The following SLC5A4 variants were observed in gnomAD, a reference collection of about 807,000 sequenced individuals.
SLC5A4 encodes the protein solute carrier family 5 member 4, also known as probable glucose sensor protein SLC5A4.
In SLC5A4, 55 loss-of-function variants were observed where a neutral mutation model predicts 70.3. The observed-to-expected ratio is 0.78, with a 90% CI of 0.63 to 0.98. The LOEUF (loss-of-function observed/expected upper bound fraction) is 0.98. SLC5A4 is among the 50% of genes least tolerant of loss of function. The probability of loss-of-function intolerance (pLI) is 0.00; values close to 1 mark genes in which losing one functional copy is unlikely to be tolerated. For missense variants in SLC5A4, 735 were observed against 839.2 expected, an observed-to-expected ratio of 0.88 and a Z score of 1.53; for synonymous variants, 268 against 305.7, an observed-to-expected ratio of 0.88 and a Z score of 1.29.
In SLC5A4 at chr22:32,225,737, G is replaced by T. The variant is rs890288192; in HGVS notation, c.1367C>A (p.Thr456Lys). 1 of 1,611,556 alleles carries T rather than the reference G, an allele frequency of 6.2e-7. No individual in the cohort carries two copies. The highest frequency in any genetic ancestry group is 1.3e-5 in the African/African-American group (1 of 74,886). The change falls in exon 12 of 15, where the codon ACA becomes AAA. Residue 456 changes from threonine (T) to lysine (K), a missense_variant. Transcript: ENST00000266086. ...CCCAAGGTAGCTAGAAATTGATTCT[G>T]TGTAATGGATTAGTTGTCCATTTTG... ...VSQNGQLIHY[T>K]ESISSYLGPP...
At chr22:32,343,940 A>G in the SLC5A4 span, among the ~76,000 whole-genome samples, 1 of 152,172 alleles carries the variant, frequency 6.6e-6, no homozygotes, top group Non-Finnish European at 1.5e-5. Context: ...GTATATCTCC[A>G]CCCACATCTT....
At chr22:32,239,801 G>A (rs55754838) in intron 5 of SLC5A4, among the ~76,000 whole-genome samples, 9,525 of 148,238 alleles carry the variant, frequency 0.064, 318 homozygotes, top group Admixed American at 0.077. Flanking sequence ...GAGGCAGGTG[G>A]ATCACGAGGT....
chr22:32,269,692 C>A, the SLC5A4 span: 1 of 603,244 alleles, frequency 1.7e-6, no homozygotes. This position sits in a 1 kb window ranked among gnomAD's most constrained non-coding sequence, Gnocchi z 4.1. Context: ...AGCATTCCCC[C>A]GTACGGTGTG....
chr22:32,351,677 G>A, the SLC5A4 span, among the ~76,000 whole-genome samples: 1 of 130,190 alleles, frequency 7.7e-6, no homozygotes, highest in East Asian at 2.5e-4. Flanking sequence ...TCCAGCCTGG[G>A]CAACAGAGCA....
chr22:32,297,551 T>C, the SLC5A4 span, among the ~76,000 whole-genome samples: 1 of 100,970 alleles, frequency 9.9e-6, no homozygotes, highest in East Asian at 2.7e-4. Flanking sequence ...TCTTTTTTTC[T>C]TTATTAGTCT....
the SLC5A4 span, among the ~76,000 whole-genome samples, chr22:32,313,163 A>G: frequency 6.6e-6 from 1 of 152,248 alleles, no homozygotes; most frequent in Admixed American, 6.5e-5. Context: ...AGTAGAATGG[A>G]GAGTGCATAC....
the SLC5A4 span, among the ~76,000 whole-genome samples, chr22:32,302,014 C>T: frequency 6.6e-6 from 1 of 152,044 alleles, no homozygotes; most frequent in African/African-American, 2.4e-5. Flanking sequence ...AATGTAAGAG[C>T]TAAAACTATA....
the SLC5A4 span, among the ~76,000 whole-genome samples, chr22:32,279,669 A>G: frequency 2.0e-5 from 3 of 152,190 alleles, no homozygotes; most frequent in African/African-American, 7.2e-5. Context: ...CAGAACCCTC[A>G]TGATCCAATC....
chr22:32,287,686 A>G, the SLC5A4 span, among the ~76,000 whole-genome samples: 8 of 150,312 alleles, frequency 5.3e-5, no homozygotes, highest in African/African-American at 2.0e-4. Flanking sequence ...GGGTTTCATA[A>G]TATTGGTCAG....
rs748165289 is a variant in SLC5A4, at chr22:32,220,994, T to G, written c.1694A>C (p.Asn565Thr). The stretch of plus-strand genomic sequence containing the variant: ...TATATCGATTCGCTCCTCTGTACTG[T>G]TCCGAAGAACCCAGCACAGGCGGTA... The part of the protein sequence containing the change: ...HLYRLCWVLR[N>T]STEERIDIDA... Residue 565 changes from asparagine to threonine, a missense_variant, in exon 14 of 15, where the codon AAC becomes ACC. Asn to Thr is a moderately conservative substitution (Grantham distance 65, BLOSUM62 0). Coordinates refer to ENST00000266086, the MANE Select transcript of SLC5A4 (RefSeq NM_014227.3). 1 of 1,613,954 alleles carries G rather than the reference T, an allele frequency of 6.2e-7. No homozygotes were observed. Among genetic ancestry groups the G allele is most frequent in the Non-Finnish European group, 8.5e-7 (1 of 1,179,826 alleles).
At chr22:32,300,886 T>C in the SLC5A4 span, among the ~76,000 whole-genome samples, 1 of 152,242 alleles carries the variant, frequency 6.6e-6, no homozygotes, top group South Asian at 2.1e-4. Context: ...TTACAGGTTT[T>C]TGTGTGAACA....
chr22:32,330,865 TGGAGGGTCTGCTGTGTAGGAGTG>T, the SLC5A4 span, among the ~76,000 whole-genome samples: 16 of 95,580 alleles, frequency 1.7e-4, no homozygotes, highest in South Asian at 4.0e-4. Flanking sequence ...GTGTAGGTGT[TGGAGGGTCTGCTGTGTAGGAGTG>T]TTGGGGGCTC....
At chr22:32,307,002 A>T in the SLC5A4 span, among the ~76,000 whole-genome samples, 2 of 152,144 alleles carry the variant, frequency 1.3e-5, no homozygotes, top group Non-Finnish European at 2.9e-5. Flanking sequence ...GATGGCGCTG[A>T]CCAATGTGGA....
At chr22:32,236,323 G>T (rs1049359906) in intron 7 of SLC5A4, among the ~76,000 whole-genome samples, 4 of 152,114 alleles carry the variant, frequency 2.6e-5, no homozygotes, top group African/African-American at 9.7e-5. Flanking sequence ...TGACGGCAAT[G>T]AACTGAATGA....
chr22:32,337,049 G>A, the SLC5A4 span, among the ~76,000 whole-genome samples: 4 of 152,222 alleles, frequency 2.6e-5, no homozygotes, highest in Non-Finnish European at 4.4e-5. Context: ...TCCTTGGGGG[G>A]ACTAAAGACC....
Position 32,232,981 on chromosome 22 carries a change from A to G in SLC5A4, c.939T>C (p.Ala313=). Residue 313 remains alanine (A), a synonymous_variant, in exon 9 of 15, where the codon GCT becomes GCC. Transcript: ENST00000266086. ...CGKDMSHVKA[A]CIMCAYLKLL... is the part of the protein sequence containing the mutation. The stretch of plus-strand genomic sequence containing the variant: ...GCTTCAGGTAAGCACACATAATGCA[A>G]GCGGCCTTCACGTGAGACATGTCCT... 1 of 1,614,196 alleles carries G rather than the reference A, an allele frequency of 6.2e-7. No homozygotes were observed. The highest frequency in any genetic ancestry group is 8.5e-7 in the Non-Finnish European group (1 of 1,180,014).
chr22:32,289,165 T>G, the SLC5A4 span, among the ~76,000 whole-genome samples: 1 of 152,198 alleles, frequency 6.6e-6, no homozygotes, highest in Non-Finnish European at 1.5e-5. Flanking sequence ...GCCTAGCTGT[T>G]TTTATCTTGA....
At chr22:32,221,044 G>A in intron 13 of SLC5A4, 22 bp from the exon 14 acceptor site, 1 of 1,484,936 alleles carries the variant, frequency 6.7e-7, no homozygotes, top group East Asian at 2.3e-5. Flanking sequence ...CCATACAAAA[G>A]TGCATTAGTA....
chr22:32,296,771 TATG>T, the SLC5A4 span, among the ~76,000 whole-genome samples: 1 of 63,070 alleles, frequency 1.6e-5, no homozygotes, highest in Non-Finnish European at 3.1e-5. Context: ...GCCCATTCAG[TATG>T]ATATCGGCTG....
Sources: allele counts gnomAD v4.1 joint callset (sites outside exome capture counted in the v4.1 genomes callset), GRCh38; gene constraint gnomAD v4.1.1; non-coding constraint Gnocchi (gnomAD v3.1); transcripts MANE v1.5; gene names NCBI Gene and HGNC (gene_info 2026-07-23, HGNC 2026-07-21).